ROBO2: variants seen among roughly 807,000 people sequenced by gnomAD.
ROBO2 encodes roundabout homolog 2.
A neutral mutation model predicts 160.8 loss-of-function variants in ROBO2; 53 were observed. That is an observed-to-expected ratio of 0.33 (90% CI 0.26 to 0.41). The LOEUF (loss-of-function observed/expected upper bound fraction) is 0.41. Among genes scored for constraint, ROBO2 ranks in the 10% least tolerant of loss-of-function variants. The pLI is 1.00. For synonymous variants in ROBO2, 664 were observed against 611.7 expected (o/e 1.09, Z -1.26); for missense variants, 1,577 against 1,722.4 (o/e 0.92, Z 1.49).
intron 2 of ROBO2, among the ~76,000 whole-genome samples, chr3:76,399,720 A>G (rs907544945): frequency 2.6e-5 from 4 of 151,770 alleles, no homozygotes; most frequent in East Asian, 1.9e-4. Context: ...GGGATAGAAT[A>G]CAGAGGCCGT....
chr3:77,282,554 A>G (rs1229903419), intron 2 of ROBO2, among the ~76,000 whole-genome samples: 2 of 152,086 alleles, frequency 1.3e-5, no homozygotes, highest in African/African-American at 2.4e-5. Context: ...AAATAGAAGT[A>G]CAAATTTTGT....
In ROBO2 at chr3:77,522,907, G is replaced by A. The variant is rs1181574668; in HGVS notation, c.934+5G>A. The A allele has an allele frequency of 6.2e-7, 1 of 1,608,712 alleles. No individual in the cohort carries two copies. Among genetic ancestry groups the A allele is most frequent in the African/African-American group, 1.3e-5 (1 of 74,532 alleles). On this transcript the variant is annotated splice_donor_5th_base_variant and intron_variant, in intron 6 of 25. Coordinates refer to ENST00000461745, the Ensembl canonical transcript of ROBO2. The stretch of plus-strand genomic sequence containing the variant: ...CTGCTACACTCACCGTCCGAGGTAA[G>A]AGATTTAAGATGTCAAAGATAATTG...
intron 2 of ROBO2, among the ~76,000 whole-genome samples, chr3:76,553,473 C>T (rs534751707): frequency 3.3e-5 from 5 of 152,106 alleles, no homozygotes; most frequent in East Asian, 3.9e-4. Context: ...ATGATCTGAG[C>T]GAGATATTTC....
rs146552598 is a variant in ROBO2, at chr3:77,332,280, G to A, written c.389-145134G>A. Among the ~76,000 whole-genome samples, 408 of 152,242 alleles carry A rather than the reference G, an allele frequency of 2.7e-3. 3 individuals carry two copies. Among genetic ancestry groups the A allele is most frequent in the Middle Eastern group, 0.024 (7 of 294 alleles). The stretch of plus-strand genomic sequence containing the variant: ...CATTGGAACCTTTTGTGACCACCTT[G>A]TACTTATTAACATCTGAGACTATGG... On this transcript the variant is annotated intron_variant, in intron 2 of 25. Transcript: ENST00000461745.
At chr3:76,861,755 T>G (rs986832605) in intron 2 of ROBO2, among the ~76,000 whole-genome samples, 1 of 152,164 alleles carries the variant, frequency 6.6e-6, no homozygotes, top group Non-Finnish European at 1.5e-5. Context: ...CCTCAAAACA[T>G]GATTTTTAAT....
chr3:76,739,422 T>C (rs1336256494), intron 2 of ROBO2, among the ~76,000 whole-genome samples: 1 of 146,772 alleles, frequency 6.8e-6, no homozygotes, highest in Non-Finnish European at 1.5e-5. Context: ...TAGATGGGAA[T>C]TGAACAATGA....
chr3:76,320,949 A>G (rs1576410416), intron 2 of ROBO2, among the ~76,000 whole-genome samples: 1 of 152,348 alleles, frequency 6.6e-6, no homozygotes, highest in East Asian at 1.9e-4. Context: ...AAATATTTGT[A>G]GTCTATCTAC....
At chr3:76,085,148 T>C (rs1363768764) in intron 2 of ROBO2, among the ~76,000 whole-genome samples, 1 of 151,710 alleles carries the variant, frequency 6.6e-6, no homozygotes, top group African/African-American at 2.4e-5. Context: ...CACATACGTA[T>C]ATACATATAT....
chr3:77,546,340 C>G (rs1582858657), exon 7 of ROBO2: 1 of 1,612,862 alleles, frequency 6.2e-7, no homozygotes, highest in Non-Finnish European at 8.5e-7. Context: ...AATTATAGCT[C>G]CCCCACAGTT....
chr3:76,762,443 CTGTTT>C, intron 2 of ROBO2, among the ~76,000 whole-genome samples: 1 of 118,882 alleles, frequency 8.4e-6, no homozygotes, highest in East Asian at 2.2e-4. Context: ...GAGAATCCAG[CTGTTT>C]TTTTTTTTTT....
intron 2 of ROBO2, among the ~76,000 whole-genome samples, chr3:75,977,188 C>A (rs979923300): frequency 1.3e-5 from 2 of 151,614 alleles, no homozygotes; most frequent in Admixed American, 6.6e-5. Context: ...TCTCACCTGG[C>A]CTTACTCTGT....
At chr3:77,632,438 A>T (rs1326881285) in intron 23 of ROBO2, 1 of 1,466,720 alleles carries the variant, frequency 6.8e-7, no homozygotes, top group African/African-American at 1.4e-5. Context: ...GATTTTCAAT[A>T]TATACAACTC....
At chr3:76,838,429 G>A (rs139898429) in intron 2 of ROBO2, among the ~76,000 whole-genome samples, 168 of 152,130 alleles carry the variant, frequency 1.1e-3, no homozygotes, top group African/African-American at 3.9e-3. Context: ...CACTTTTTGA[G>A]GTTTTGCATT....
At chr3:76,255,156 A>G (rs1434944474) in intron 2 of ROBO2, among the ~76,000 whole-genome samples, 2 of 152,098 alleles carry the variant, frequency 1.3e-5, no homozygotes, top group Admixed American at 1.3e-4. Flanking sequence ...AGTTAAATAA[A>G]TAAATCGACC....
At chr3:77,647,623 C>T (rs895169395) in exon 26 of ROBO2, 53 of 152,116 alleles carry the variant, frequency 3.5e-4, no homozygotes, top group African/African-American at 1.1e-3. Context: ...AGCTACTGTA[C>T]ATGTATAGTC....
Position 76,755,714 on chromosome 3 carries a change from C to T in ROBO2, c.110-342300C>T, listed in dbSNP as rs183980870. Among the ~76,000 whole-genome samples, 321 of 151,898 alleles carry T rather than the reference C, an allele frequency of 2.1e-3. 2 individuals are homozygous for T. Among genetic ancestry groups the T allele is most frequent in the Middle Eastern group, 6.8e-3 (2 of 294 alleles). ...ATAATAATAATTGCTATAAAGTTGT[C>T]CTCAATCAGTAAATACATTAATCAG... On this transcript the variant is annotated intron_variant, in intron 2 of 26. Coordinates refer to the ROBO2 transcript ENST00000487694.
rs181922988 is a variant in ROBO2, at chr3:76,345,198, G to T, written c.109+407596G>T. Among the ~76,000 whole-genome samples, 862 of 152,196 alleles carry T rather than the reference G, an allele frequency of 5.7e-3. 6 individuals are homozygous for T. The highest frequency in any genetic ancestry group is 0.02 in the African/African-American group (817 of 41,538). On this transcript the variant is annotated intron_variant, in intron 2 of 26. Coordinates refer to the ROBO2 transcript ENST00000487694. ...GAGGAGGTGTCCATATGAATATAAGGCCAAGACAGAAACTGCAGCAGGAAC... is the reference window on the plus strand; with the variant it reads ...GAGGAGGTGTCCATATGAATATAAGTCCAAGACAGAAACTGCAGCAGGAAC...
At chr3:76,396,417 C>G (rs1032989924) in intron 2 of ROBO2, among the ~76,000 whole-genome samples, 1 of 152,080 alleles carries the variant, frequency 6.6e-6, no homozygotes, top group Non-Finnish European at 1.5e-5. Flanking sequence ...TGGCACAAGA[C>G]AGGGATGCCC....
intron 2 of ROBO2, among the ~76,000 whole-genome samples, chr3:76,599,134 G>A (rs2086931512): frequency 6.6e-6 from 1 of 152,156 alleles, no homozygotes; most frequent in African/African-American, 2.4e-5. Context: ...GTAAACTCAT[G>A]TCACAGGGCA....
Sources: gnomAD v4.1 joint callset for allele counts (sites outside exome capture counted in the v4.1 genomes callset) on GRCh38, gnomAD v4.1.1 for gene constraint, MANE v1.5 for transcripts, NCBI Gene and HGNC (gene_info 2026-07-23, HGNC 2026-07-21) for gene names.